The following TBC1D4 variants were observed in gnomAD, a reference collection of about 807,000 sequenced individuals.
TBC1D4 encodes the protein TBC1 domain family member 4, also known as TBC (Tre-2, BUB2, CDC16) domain-containing protein.
Under a neutral mutation model 142.5 loss-of-function variants are expected in TBC1D4, and 121 were observed. The observed-to-expected ratio is 0.85, with a 90% confidence interval of 0.73 to 0.99. The LOEUF is 0.99. TBC1D4 is among the 50% of genes least tolerant of loss of function. TBC1D4 has a pLI of 0.00. For synonymous variants in TBC1D4, 630 were observed against 628.2 expected (o/e 1.00, Z -0.04); for missense variants, 1,475 against 1,606.6 (o/e 0.92, Z 1.40).
At chr13:75,387,833 T>A (rs896616950) in intron 1 of TBC1D4, among the ~76,000 whole-genome samples, 1 of 152,186 alleles carries the variant, frequency 6.6e-6, no homozygotes, top group African/African-American at 2.4e-5. Context: ...TTACAACTTG[T>A]ATTAGCTTTC....
intron 9 of TBC1D4, 72 bp downstream of exon 9, chr13:75,327,680 A>C: frequency 7.6e-7 from 1 of 1,316,074 alleles, no homozygotes; most frequent in Non-Finnish European, 1.1e-6. Flanking sequence ...TAAAAAATGG[A>C]GCATGCATAT....
chr13:75,478,153 G>A (rs1277817907), intron 1 of TBC1D4, among the ~76,000 whole-genome samples: 1 of 152,156 alleles, frequency 6.6e-6, no homozygotes, highest in Non-Finnish European at 1.5e-5. Flanking sequence ...ACTCCAATAT[G>A]TGAGTAGATA....
intron 1 of TBC1D4, among the ~76,000 whole-genome samples, chr13:75,367,605 A>G (rs1265417536): frequency 6.6e-6 from 1 of 152,180 alleles, no homozygotes; most frequent in African/African-American, 2.4e-5. Context: ...AGCAATTTAA[A>G]CTAGTCTCAC....
intron 16 of TBC1D4, among the ~76,000 whole-genome samples, chr13:75,301,729 C>A (rs1430218341): frequency 6.6e-6 from 1 of 152,056 alleles, no homozygotes; most frequent in Admixed American, 6.5e-5. Flanking sequence ...ACTATTAGTG[C>A]AACTAATGTT....
At chr13:75,461,439 ATTTC>A (rs1887961653) in intron 1 of TBC1D4, among the ~76,000 whole-genome samples, 1 of 152,212 alleles carries the variant, frequency 6.6e-6, no homozygotes, top group African/African-American at 2.4e-5. Context: ...GGAGCCATAA[ATTTC>A]TTTAATACTA....
At chr13:75,354,370 A>G (rs971404927) in intron 4 of TBC1D4, among the ~76,000 whole-genome samples, 2 of 152,230 alleles carry the variant, frequency 1.3e-5, no homozygotes, top group African/African-American at 4.8e-5. Flanking sequence ...TAGTTAGGAC[A>G]TTAACACAAG....
chr13:75,287,878 G>A (rs1287771474), intron 20 of TBC1D4, among the ~76,000 whole-genome samples: 1 of 152,018 alleles, frequency 6.6e-6, no homozygotes, highest in African/African-American at 2.4e-5. Flanking sequence ...AAATGGAGAG[G>A]AGGAGTAAGT....
At chr13:75,399,236 A>G (rs775744664) in intron 1 of TBC1D4, among the ~76,000 whole-genome samples, 3 of 152,160 alleles carry the variant, frequency 2.0e-5, no homozygotes, top group Non-Finnish European at 4.4e-5. Context: ...GGCTGCAAAC[A>G]TCAGCTGTTT....
intron 1 of TBC1D4, among the ~76,000 whole-genome samples, chr13:75,429,620 T>G (rs1886514981): frequency 6.6e-6 from 1 of 152,090 alleles, no homozygotes; most frequent in South Asian, 2.1e-4. Flanking sequence ...TAAAAGGTTT[T>G]AATTAAAATG....
intron 1 of TBC1D4, among the ~76,000 whole-genome samples, chr13:75,403,570 G>A (rs1394430027): frequency 6.6e-6 from 1 of 152,082 alleles, no homozygotes; most frequent in Non-Finnish European, 1.5e-5. Flanking sequence ...CCAAAATAAA[G>A]CAAATACAAA....
chr13:75,465,831 C>T (rs1398919952), intron 1 of TBC1D4, among the ~76,000 whole-genome samples: 2 of 152,182 alleles, frequency 1.3e-5, no homozygotes, highest in African/African-American at 2.4e-5. Flanking sequence ...TCGGTCTCCA[C>T]AACCCCTTAT....
chr13:75,409,213 T>A (rs117563548), intron 1 of TBC1D4, among the ~76,000 whole-genome samples: 1 of 152,206 alleles, frequency 6.6e-6, no homozygotes, highest in East Asian at 1.9e-4. Flanking sequence ...AGGCTAGAAA[T>A]GTATATACCA....
chr13:75,312,693 T>G (rs1163251786), intron 13 of TBC1D4, 45 bp downstream of exon 13: 1 of 1,613,282 alleles, frequency 6.2e-7, no homozygotes, highest in South Asian at 1.1e-5. Flanking sequence ...TTAGCTAATT[T>G]CTGACACTCA....
Position 75,408,094 on chromosome 13 carries a change from C to T in TBC1D4, c.499-45487G>A, listed in dbSNP as rs563586570. The stretch of plus-strand genomic sequence containing the variant: ...ACCCCAGAAAGAACCCTGTACCCGT[C>T]ACCAATCGCACCTCCATATCTGGAC... On this transcript the variant is annotated intron_variant, in intron 1 of 20. Coordinates refer to ENST00000377636, the MANE Select transcript of TBC1D4 (RefSeq NM_014832.5). Among the ~76,000 whole-genome samples the T allele has an allele frequency of 9.8e-5, 15 of 152,310 alleles. No individual in the cohort carries two copies. In the East Asian group the frequency reaches 2.3e-3, roughly 23 times the overall value.
At chr13:75,381,104 A>G (rs1402888377) in intron 1 of TBC1D4, among the ~76,000 whole-genome samples, 1 of 152,224 alleles carries the variant, frequency 6.6e-6, no homozygotes, top group Non-Finnish European at 1.5e-5. Flanking sequence ...AGCACCTAAC[A>G]TTGTATCTAA....
At chr13:75,393,156 C>G (rs962092562) in intron 1 of TBC1D4, among the ~76,000 whole-genome samples, 2 of 129,570 alleles carry the variant, frequency 1.5e-5, no homozygotes, top group Non-Finnish European at 1.5e-5. Context: ...CACACACACA[C>G]TCAGTCTTTG....
At chr13:75,312,416 G>GGAAAAAAAAAAAAAAAA (rs1877845632) in intron 13 of TBC1D4, among the ~76,000 whole-genome samples, 4 of 125,676 alleles carry the variant, frequency 3.2e-5, no homozygotes, top group African/African-American at 8.6e-5. Flanking sequence ...CAATCTCTGG[G>GGAAAAAAAAAAAAAAAA]AAAAAAAAAA....
intron 1 of TBC1D4, among the ~76,000 whole-genome samples, chr13:75,441,580 T>C (rs985224571): frequency 1.3e-5 from 2 of 152,210 alleles, no homozygotes; most frequent in African/African-American, 4.8e-5. Context: ...ACTTTTGAAA[T>C]CTAAAAATAT....
intron 5 of TBC1D4, 139 bp downstream of exon 5, chr13:75,349,031 T>G: frequency 8.0e-7 from 1 of 1,253,372 alleles, no homozygotes; most frequent in East Asian, 2.6e-5. Flanking sequence ...CCCACTCACA[T>G]TTGAGTGGAC....
Sources: gnomAD v4.1 joint callset for allele counts (sites outside exome capture counted in the v4.1 genomes callset) on GRCh38, gnomAD v4.1.1 for gene constraint, MANE v1.5 for transcripts, NCBI Gene and HGNC (gene_info 2026-07-23, HGNC 2026-07-21) for gene names.